CHSY3: variants seen among roughly 807,000 people sequenced by gnomAD.
CHSY3 encodes N-acetylgalactosaminyl-proteoglycan 3-beta-glucuronosyltransferase 3.
CHSY3 carries 35 observed loss-of-function variants against 67.2 expected under a neutral mutation model. The ratio of observed to expected loss-of-function variants is 0.52; its 90% confidence interval spans 0.40 to 0.69. CHSY3 has a LOEUF of 0.69. Among genes scored for constraint, CHSY3 ranks in the 30% least tolerant of loss-of-function variants. CHSY3 has a pLI of 0.00. For synonymous variants in CHSY3, 474 were observed against 434.7 expected (o/e 1.09, Z -1.12); for missense variants, 1,069 against 1,138.5 (o/e 0.94, Z 0.88).
At chr5:130,115,219 G>A (rs1384079678) in intron 2 of CHSY3, among the ~76,000 whole-genome samples, 1 of 151,656 alleles carries the variant, frequency 6.6e-6, no homozygotes, top group Non-Finnish European at 1.5e-5. Flanking sequence ...AAAAAGAAAG[G>A]TTTATAGTTC....
chr5:129,912,432 G>T (rs936338538), intron 2 of CHSY3, among the ~76,000 whole-genome samples: 1 of 152,064 alleles, frequency 6.6e-6, no homozygotes, highest in African/African-American at 2.4e-5. Flanking sequence ...CCTCCTCCTG[G>T]TGTACCTCAG....
chr5:130,069,967 C>T (rs939240670), intron 2 of CHSY3, among the ~76,000 whole-genome samples: 31 of 152,136 alleles, frequency 2.0e-4, no homozygotes, highest in Middle Eastern at 3.5e-3. Flanking sequence ...TTAATATTGA[C>T]ATTTATCTTA....
At chr5:130,064,247 C>G (rs990115842) in intron 2 of CHSY3, among the ~76,000 whole-genome samples, 1 of 152,068 alleles carries the variant, frequency 6.6e-6, no homozygotes, top group African/African-American at 2.4e-5. Flanking sequence ...TAGGTACATA[C>G]TCTATATCCA....
intron 2 of CHSY3, among the ~76,000 whole-genome samples, chr5:129,919,827 C>T (rs1320821314): frequency 1.3e-5 from 2 of 152,068 alleles, no homozygotes; most frequent in East Asian, 3.9e-4. Flanking sequence ...TATATATTAA[C>T]AAGTTATAGT....
At chr5:129,990,861 A>G (rs1763342753) in intron 2 of CHSY3, among the ~76,000 whole-genome samples, 1 of 152,148 alleles carries the variant, frequency 6.6e-6, no homozygotes, top group Admixed American at 6.6e-5. Flanking sequence ...AGGTGGTAAC[A>G]TGATGGTTGA....
At chr5:130,063,742 G>A (rs2149677941) in intron 2 of CHSY3, among the ~76,000 whole-genome samples, 1 of 152,194 alleles carries the variant, frequency 6.6e-6, no homozygotes, top group Non-Finnish European at 1.5e-5. Flanking sequence ...TTTGGTGTCT[G>A]GTGAGGGCCT....
rs753910685 is a variant in CHSY3 at position 129,908,235 on chromosome 5, G to C, written c.961G>C (p.Val321Leu). ...GGPGMIFSRE[V>L]LRRMVPHIGE... ...ACCTGGCATGATCTTTAGCCGAGAA[G>C]TTCTCAGGAGGATGGTGCCACATAT... The change falls in exon 2 of 3, where the codon GTT (valine) becomes CTT (leucine). Residue 321 changes from valine (V) to leucine (L), a missense_variant. Transcript: ENST00000305031. The C allele has an allele frequency of 3.7e-6, 6 of 1,614,184 alleles. No homozygotes were observed. In the Admixed American group the frequency reaches 8.3e-5, roughly 22 times the overall value.
intron 2 of CHSY3, among the ~76,000 whole-genome samples, chr5:130,055,744 G>C (rs1765511468): frequency 6.6e-6 from 1 of 152,016 alleles, no homozygotes; most frequent in Admixed American, 6.6e-5. Flanking sequence ...AAGCACTGTG[G>C]TGGGAAGGGA....
chr5:130,003,978 T>C (rs1353165429), intron 2 of CHSY3, among the ~76,000 whole-genome samples: 1 of 152,232 alleles, frequency 6.6e-6, no homozygotes, highest in Non-Finnish European at 1.5e-5. Context: ...TTTGACAGGA[T>C]ATGCATTTTT....
At chr5:130,027,647 G>T (rs1268609636) in intron 2 of CHSY3, among the ~76,000 whole-genome samples, 1 of 148,834 alleles carries the variant, frequency 6.7e-6, no homozygotes, top group Non-Finnish European at 1.5e-5. Context: ...ACAGTCCCTG[G>T]TGTGTGATGT....
In CHSY3 at chr5:130,036,704, T is replaced by G. The variant is rs74539474; in HGVS notation, c.1086+128344T>G. Among the ~76,000 whole-genome samples the G allele has an allele frequency of 6.1e-3, 934 of 152,222 alleles. 13 individuals carry two copies. The highest frequency in any genetic ancestry group is 0.021 in the African/African-American group (860 of 41,532). On this transcript the variant is annotated intron_variant, in intron 2 of 2. Transcript: ENST00000305031. ...CTCAGTTTCTTCATGTGTGGAAAGG[T>G]TTTTGTTTTAACATGGATTAGTAAA... is the stretch of plus-strand genomic sequence containing the variant.
At chr5:130,001,559 T>C in intron 2 of CHSY3, 1 of 872,802 alleles carries the variant, frequency 1.1e-6, no homozygotes, top group Non-Finnish European at 1.4e-6. Flanking sequence ...GAGTCCCTCC[T>C]GTCCTTGCCT....
intron 2 of CHSY3, among the ~76,000 whole-genome samples, chr5:130,082,149 C>G (rs936594867): frequency 6.6e-6 from 1 of 151,980 alleles, no homozygotes; most frequent in Non-Finnish European, 1.5e-5. Flanking sequence ...CAAATGTTAG[C>G]ATTTGTCTCC....
chr5:130,059,722 C>T (rs756331613), intron 2 of CHSY3, among the ~76,000 whole-genome samples: 7 of 152,042 alleles, frequency 4.6e-5, no homozygotes, highest in Non-Finnish European at 8.8e-5. Flanking sequence ...ATTAGGAATT[C>T]CTTATTCTGT....
chr5:130,003,831 T>C (rs1340637921), intron 2 of CHSY3, among the ~76,000 whole-genome samples: 1 of 152,214 alleles, frequency 6.6e-6, no homozygotes, highest in African/African-American at 2.4e-5. Context: ...AATGGTTAAT[T>C]TGATGTACAC....
At chr5:130,155,305 G>C (rs1415500664) in intron 2 of CHSY3, among the ~76,000 whole-genome samples, 1 of 152,178 alleles carries the variant, frequency 6.6e-6, no homozygotes, top group Non-Finnish European at 1.5e-5. Context: ...AAGGCCCTTT[G>C]ATTTCAGTTG....
chr5:129,922,596 CT>C (rs1035988815), intron 2 of CHSY3, among the ~76,000 whole-genome samples: 5 of 150,144 alleles, frequency 3.3e-5, no homozygotes, highest in Non-Finnish European at 4.5e-5. Flanking sequence ...TGATGTCTAA[CT>C]TTTTTTTTTC....
chr5:130,143,413 G>A (rs1181243735), intron 2 of CHSY3, among the ~76,000 whole-genome samples: 1 of 152,034 alleles, frequency 6.6e-6, no homozygotes, highest in Non-Finnish European at 1.5e-5. Context: ...TATGCTATTT[G>A]AACTGAAATA....
At chr5:130,049,023 T>C (rs1432017467) in intron 2 of CHSY3, among the ~76,000 whole-genome samples, 3 of 151,944 alleles carry the variant, frequency 2.0e-5, no homozygotes, top group African/African-American at 4.8e-5. Flanking sequence ...ACACACAGAA[T>C]TCTGATGGTG....
Sources: allele counts gnomAD v4.1 joint callset (sites outside exome capture counted in the v4.1 genomes callset), GRCh38; gene constraint gnomAD v4.1.1; transcripts MANE v1.5; gene names NCBI Gene and HGNC (gene_info 2026-07-23, HGNC 2026-07-21).